WNT7B: variants seen among roughly 807,000 people sequenced by gnomAD.
The protein encoded by WNT7B is Wnt family member 7B.
In WNT7B, 19 loss-of-function variants were observed where a neutral mutation model predicts 38.2. The ratio of observed to expected loss-of-function variants is 0.50; its 90% CI spans 0.35 to 0.73. The LOEUF is 0.73. Ranked by LOEUF, WNT7B falls within the 30% of genes least tolerant of loss-of-function variation. WNT7B has a pLI of 0.01. For synonymous variants in WNT7B, 243 were observed against 209.3 expected (o/e 1.16, Z -1.39); for missense variants, 423 against 507.9 (o/e 0.83, Z 1.61).
chr22:45,962,110 C>G (rs2146745957), intron 1 of WNT7B, among the ~76,000 whole-genome samples: 1 of 151,618 alleles, frequency 6.6e-6, no homozygotes, highest in African/African-American at 2.4e-5. Flanking sequence ...GCCTGGCAGC[C>G]TGGGACCCCA....
Position 45,931,251 on chromosome 22 carries a change from G to A in WNT7B, c.417C>T (p.Gly139=), listed in dbSNP as rs780772748. The part of the protein sequence containing the change: ...SNCGCDREKQ[G]YYNQAEGWKW... ...TCCAGCCCTCGGCTTGGTTGTAGTAGCCCTGCTTCTCGCGGTCGCAGCCGC... is the reference window on the plus strand; with the variant it reads ...TCCAGCCCTCGGCTTGGTTGTAGTAACCCTGCTTCTCGCGGTCGCAGCCGC... Residue 139 remains glycine (G), a synonymous_variant, in exon 3 of 4, where the codon GGC becomes GGT. Transcript: ENST00000339464. 5 of 1,599,138 alleles carry A rather than the reference G, an allele frequency of 3.1e-6. No individual in the cohort carries two copies. Among genetic ancestry groups the A allele is most frequent in the Non-Finnish European group, 4.2e-6 (5 of 1,179,820 alleles).
At chr22:45,958,505 T>C (rs1932122808) in intron 1 of WNT7B, among the ~76,000 whole-genome samples, 1 of 152,176 alleles carries the variant, frequency 6.6e-6, no homozygotes. Flanking sequence ...TGAGGCACAG[T>C]GGACACCCAC....
At chr22:45,956,078 C>T (rs973150032) in intron 1 of WNT7B, among the ~76,000 whole-genome samples, 2 of 152,214 alleles carry the variant, frequency 1.3e-5, no homozygotes, top group African/African-American at 4.8e-5. Flanking sequence ...TGCCAGGTGA[C>T]AGACGAGAGC....
intron 1 of WNT7B, among the ~76,000 whole-genome samples, chr22:45,969,597 T>C (rs1362520977): frequency 2.0e-5 from 3 of 152,240 alleles, no homozygotes; most frequent in Non-Finnish European, 4.4e-5. Flanking sequence ...CGGCTGCAAG[T>C]CAGCATGTAG....
At chr22:45,954,126 C>T (rs1932003950) in intron 1 of WNT7B, among the ~76,000 whole-genome samples, 1 of 152,156 alleles carries the variant, frequency 6.6e-6, no homozygotes, top group Admixed American at 6.5e-5. Flanking sequence ...GGAACCTCAA[C>T]AATACAATGT....
chr22:45,972,574 C>T (rs1359695706), intron 1 of WNT7B: 1 of 156,410 alleles, frequency 6.4e-6, no homozygotes, highest in Non-Finnish European at 1.4e-5. Context: ...TCCAAGTCTC[C>T]CGAGGCGCGC....
chr22:45,932,482 A>G (rs528615070), intron 2 of WNT7B, among the ~76,000 whole-genome samples: 1 of 151,490 alleles, frequency 6.6e-6, no homozygotes, highest in South Asian at 2.1e-4. Flanking sequence ...CCAGATCCGG[A>G]CACCCTCTCC....
chr22:45,922,599 A>G lies in WNT7B; in HGVS notation c.*257T>C, dbSNP rs9723264. The G allele has an allele frequency of 0.37, 194,788 of 528,476 alleles. 39,317 individuals carry two copies. Among genetic ancestry groups the G allele is most frequent in the African/African-American group, 0.65 (34,424 of 52,688 alleles). 32.7% of individuals were successfully genotyped at this position (528,476 alleles called of 1,614,324 possible). The stretch of plus-strand genomic sequence containing the variant: ...CCGGGCCCCGTCGGGGAGCACCAAG[A>G]CCCCTGGCCTTGCTCTCTGGGTGGG... On this transcript the variant is annotated 3_prime_UTR_variant, in exon 4 of 4. Transcript: ENST00000339464.
intron 1 of WNT7B, among the ~76,000 whole-genome samples, chr22:45,973,925 G>A (rs752090755): frequency 2.0e-5 from 3 of 152,096 alleles, no homozygotes; most frequent in Non-Finnish European, 2.9e-5. Flanking sequence ...GCAGCATGCA[G>A]GGAAGTGATC....
In WNT7B at chr22:45,930,968, C is replaced by T. The variant is rs929483458; in HGVS notation, c.570+130G>A. 2.2e-5 allele frequency: 28 copies of T among 1,289,460 alleles called. 1 individual carries two copies. The highest frequency in any genetic ancestry group is 1.3e-4 in the East Asian group (5 of 38,738). 79.9% of individuals were successfully genotyped at this position (1,289,460 alleles called of 1,614,324 possible). On this transcript the variant is annotated intron_variant, in intron 3 of 3. Transcript: ENST00000339464. ...GAGCCATGCACGTGGAGGACCCAGA[C>T]GGCCCCACCCCCTGCACACCTACGG...
chr22:45,944,949 C>T (rs548727880), intron 2 of WNT7B, among the ~76,000 whole-genome samples: 144 of 152,350 alleles, frequency 9.5e-4, no homozygotes, highest in African/African-American at 3.2e-3. Flanking sequence ...CTGCCCCTGA[C>T]CAGATGACTT....
chr22:45,970,278 A>G (rs546499999), intron 1 of WNT7B, among the ~76,000 whole-genome samples: 2 of 152,324 alleles, frequency 1.3e-5, no homozygotes, highest in South Asian at 2.1e-4. Context: ...GCACTGGCCC[A>G]GGGATGCCTG....
At chr22:45,943,771 C>T (rs958118920) in intron 2 of WNT7B, among the ~76,000 whole-genome samples, 2 of 152,210 alleles carry the variant, frequency 1.3e-5, no homozygotes, top group Non-Finnish European at 2.9e-5. Context: ...GGTCATGTGA[C>T]AGGGCCCAGC....
intron 2 of WNT7B, chr22:45,935,872 T>C (rs912005139): frequency 6.1e-6 from 6 of 985,210 alleles, no homozygotes; most frequent in Admixed American, 1.2e-4. Flanking sequence ...TGTGTGGTGA[T>C]GGGGAAGCTG....
chr22:45,930,515 C>T (rs1025812347), intron 3 of WNT7B, among the ~76,000 whole-genome samples: 3 of 152,210 alleles, frequency 2.0e-5, no homozygotes, highest in African/African-American at 7.2e-5. Context: ...CGGGGCCCGG[C>T]TTGCTCTGAC....
chr22:45,937,589 C>T (rs960342959), intron 2 of WNT7B, among the ~76,000 whole-genome samples: 11 of 151,468 alleles, frequency 7.3e-5, no homozygotes, highest in African/African-American at 2.0e-4. Flanking sequence ...GTGTCCCTGG[C>T]GTACACCTGG....
intron 1 of WNT7B, among the ~76,000 whole-genome samples, chr22:45,956,306 G>A (rs981880881): frequency 7.2e-5 from 11 of 152,196 alleles, no homozygotes; most frequent in Admixed American, 2.6e-4. Context: ...TCCACAGCAC[G>A]GGCCGCTGGC....
At chr22:45,929,552 C>G (rs957351516) in intron 3 of WNT7B, among the ~76,000 whole-genome samples, 1 of 140,840 alleles carries the variant, frequency 7.1e-6, no homozygotes, top group African/African-American at 2.7e-5. Flanking sequence ...TTCCAACCAT[C>G]CTTCCACCCA....
chr22:45,929,623 TCCTTCCATCCATGCATCCACTCATCC>T (rs1931235906), intron 3 of WNT7B, among the ~76,000 whole-genome samples: 3 of 115,530 alleles, frequency 2.6e-5, no homozygotes, highest in African/African-American at 1.0e-4. Flanking sequence ...CATACACCCA[TCCTTCCATCCATGCATCCACTCATCC>T]ATCCTTCCAC....
Sources: gnomAD v4.1 joint callset for allele counts (sites outside exome capture counted in the v4.1 genomes callset) on GRCh38, gnomAD v4.1.1 for gene constraint, MANE v1.5 for transcripts, NCBI Gene and HGNC (gene_info 2026-07-23, HGNC 2026-07-21) for gene names.